CNBD1: variants seen among roughly 807,000 people sequenced by gnomAD.
The protein encoded by CNBD1 is cyclic nucleotide-binding domain-containing protein 1.
In CNBD1, 71 loss-of-function variants were observed where a neutral mutation model predicts 54.4. That is an observed-to-expected ratio of 1.30 (90% CI 1.08 to 1.59). CNBD1 has a LOEUF of 1.59. CNBD1 is among the 40% of genes most tolerant of loss of function. The probability of loss-of-function intolerance (pLI) is 0.00; values close to 1 mark genes in which losing one functional copy is unlikely to be tolerated. For synonymous variants in CNBD1, 182 were observed against 170.7 expected, an observed-to-expected ratio of 1.07 and a Z score of -0.51; for missense variants, 659 against 518.0, an observed-to-expected ratio of 1.27 and a Z score of -2.64.
intron 3 of CNBD1, among the ~76,000 whole-genome samples, chr8:86,930,712 G>A (rs180697374): frequency 1.3e-5 from 2 of 152,338 alleles, no homozygotes; most frequent in African/African-American, 2.4e-5. Flanking sequence ...TCATTGATGA[G>A]TCTAAGATTT....
At chr8:87,372,656 T>A (rs879741501) in intron 10 of CNBD1, among the ~76,000 whole-genome samples, 4 of 151,794 alleles carry the variant, frequency 2.6e-5, no homozygotes, top group Non-Finnish European at 1.5e-5. Context: ...AATACTTTAT[T>A]TGTCCACAAA....
chr8:86,867,950 G>A (rs1808388088), intron 1 of CNBD1, among the ~76,000 whole-genome samples: 3 of 152,162 alleles, frequency 2.0e-5, no homozygotes, highest in African/African-American at 4.8e-5. Flanking sequence ...GGAGCTCCCA[G>A]TGTTCCTTTA....
intron 8 of CNBD1, among the ~76,000 whole-genome samples, chr8:87,335,665 C>G (rs1271623377): frequency 3.9e-5 from 6 of 152,236 alleles, no homozygotes; most frequent in Admixed American, 2.6e-4. Context: ...TCCAATTTGT[C>G]AGTCTGTGTC....
chr8:87,230,808 T>A (rs911527894), intron 5 of CNBD1, among the ~76,000 whole-genome samples: 10 of 152,068 alleles, frequency 6.6e-5, no homozygotes, highest in Non-Finnish European at 1.5e-4. Context: ...TCTTAAGGAG[T>A]CATTTATTTA....
intron 4 of CNBD1, among the ~76,000 whole-genome samples, chr8:86,996,494 T>C (rs1393675770): frequency 6.6e-6 from 1 of 152,218 alleles, no homozygotes; most frequent in African/African-American, 2.4e-5. Flanking sequence ...ATTCCTCACA[T>C]TGCTGTTTAA....
intron 5 of CNBD1, among the ~76,000 whole-genome samples, chr8:87,218,722 A>C (rs1814265220): frequency 6.6e-6 from 1 of 152,008 alleles, no homozygotes; most frequent in African/African-American, 2.4e-5. Context: ...TATTGTTTTG[A>C]TATAAATTTT....
Position 87,284,903 on chromosome 8 carries a change from C to G in CNBD1, c.909+88C>G, listed in dbSNP as rs1037850642. ...ATTCTCTAGACAAAGACAGCTATAT[C>G]TGTTTTATTTTTAAATTTTAATTTA... On this transcript the variant is annotated intron_variant, in intron 7 of 10. Transcript: ENST00000518476. 4 of 939,612 alleles carry G rather than the reference C, an allele frequency of 4.3e-6. No individual in the cohort carries two copies. The African/African-American group carries it at 6.7e-5, about 16-fold the overall frequency. 58.2% of individuals were successfully genotyped at this position (939,612 alleles called of 1,614,324 possible).
chr8:87,407,992 TTC>T (rs1208983359), intron 2 of CNBD1, among the ~76,000 whole-genome samples: 10 of 152,002 alleles, frequency 6.6e-5, no homozygotes, highest in Non-Finnish European at 1.2e-4. Context: ...CAACTTAGAA[TTC>T]TTTTTGTTTT....
intron 4 of CNBD1, among the ~76,000 whole-genome samples, chr8:87,090,828 T>A (rs1811189542): frequency 6.6e-6 from 1 of 152,238 alleles, no homozygotes; most frequent in Admixed American, 6.5e-5. Flanking sequence ...ATTAAACTTT[T>A]TCTAGTGCTG....
chr8:87,019,542 C>T (rs1375138209), intron 4 of CNBD1, among the ~76,000 whole-genome samples: 1 of 152,230 alleles, frequency 6.6e-6, no homozygotes, highest in East Asian at 1.9e-4. Context: ...TTTATACCCT[C>T]CTCAGGATGC....
At chr8:87,102,790 A>G (rs1276761461) in intron 4 of CNBD1, among the ~76,000 whole-genome samples, 2 of 151,768 alleles carry the variant, frequency 1.3e-5, no homozygotes, top group Non-Finnish European at 2.9e-5. Context: ...ATTTTTTTGT[A>G]TTTTTAGTAG....
intron 8 of CNBD1, among the ~76,000 whole-genome samples, chr8:87,327,405 C>A (rs988778415): frequency 2.0e-5 from 3 of 152,062 alleles, no homozygotes; most frequent in Middle Eastern, 3.4e-3. Flanking sequence ...CCCCCACCCT[C>A]GCTGCTGCCT....
At chr8:86,933,987 T>C (rs1481685300) in intron 3 of CNBD1, among the ~76,000 whole-genome samples, 1 of 152,168 alleles carries the variant, frequency 6.6e-6, no homozygotes, top group Non-Finnish European at 1.5e-5. Context: ...TCATATATTG[T>C]ACAGTGGCTA....
chr8:87,111,723 C>A (rs1476752289), intron 4 of CNBD1, among the ~76,000 whole-genome samples: 2 of 152,054 alleles, frequency 1.3e-5, no homozygotes, highest in African/African-American at 2.4e-5. Flanking sequence ...GCTCATGTAT[C>A]CTTTCTCTAG....
At chr8:87,382,948 T>A, downstream of CNBD1, 2 of 206,580 alleles carry the variant, frequency 9.7e-6, no homozygotes, top group Non-Finnish European at 9.7e-6. Context: ...TAAATGTTTA[T>A]ATGACCATGC....
chr8:87,124,863 C>T (rs1811960716), intron 4 of CNBD1, among the ~76,000 whole-genome samples: 1 of 151,672 alleles, frequency 6.6e-6, no homozygotes, highest in African/African-American at 2.4e-5. Flanking sequence ...GTAAAATTGT[C>T]TGTATTTGTT....
intron 8 of CNBD1, among the ~76,000 whole-genome samples, chr8:87,323,149 A>C (rs879502936): frequency 1.6e-4 from 20 of 122,038 alleles, no homozygotes; most frequent in African/African-American, 6.3e-4. Flanking sequence ...GCTCTGTTCT[A>C]TTCCATTGAT....
chr8:86,954,188 CAA>C (rs1301814226), intron 4 of CNBD1, among the ~76,000 whole-genome samples: 1 of 152,150 alleles, frequency 6.6e-6, no homozygotes, highest in Non-Finnish European at 1.5e-5. Flanking sequence ...AAAATCTTGA[CAA>C]AGAGAAAGCA....
chr8:87,233,360 A>G (rs1282291096), intron 5 of CNBD1, among the ~76,000 whole-genome samples: 2 of 152,198 alleles, frequency 1.3e-5, no homozygotes, highest in East Asian at 3.8e-4. Flanking sequence ...CAAAATGAAT[A>G]TCACGATAAT....
Sources: allele counts gnomAD v4.1 joint callset (sites outside exome capture counted in the v4.1 genomes callset), GRCh38; gene constraint gnomAD v4.1.1; transcripts MANE v1.5; gene names NCBI Gene and HGNC (gene_info 2026-07-23, HGNC 2026-07-21).